Variants in THADA observed in about 807,000 individuals in gnomAD.
THADA encodes the protein tRNA (32-2'-O)-methyltransferase regulator THADA.
In THADA, 213 loss-of-function variants were observed where a neutral mutation model predicts 219.8. That is an observed-to-expected ratio of 0.97 (90% CI 0.87 to 1.09). THADA has a LOEUF of 1.09. Ranked by LOEUF, THADA falls within the 50% of genes least tolerant of loss-of-function variation. THADA has a pLI of 0.00. For synonymous variants in THADA, 1,018 were observed against 828.9 expected (o/e 1.23, Z -3.92); for missense variants, 2,956 against 2,311.3 (o/e 1.28, Z -5.72).
intron 28 of THADA, among the ~76,000 whole-genome samples, chr2:43,404,186 T>C (rs1434826863): frequency 6.6e-6 from 1 of 152,064 alleles, no homozygotes; most frequent in Non-Finnish European, 1.5e-5. Context: ...TTCTGAACTA[T>C]GCTAAGGTAT....
chr2:43,424,330 A>G (rs1678129701), intron 28 of THADA, among the ~76,000 whole-genome samples: 1 of 152,200 alleles, frequency 6.6e-6, no homozygotes, highest in African/African-American at 2.4e-5. Context: ...CAGTCAGAGC[A>G]ACCTTTGCAC....
intron 29 of THADA, among the ~76,000 whole-genome samples, chr2:43,379,301 C>T (rs1310111306): frequency 6.6e-6 from 1 of 150,650 alleles, no homozygotes; most frequent in African/African-American, 2.4e-5. Flanking sequence ...AAATGAAGAG[C>T]GAGTTAAAAA....
At chr2:43,323,489 T>C (rs1000282856) in intron 30 of THADA, among the ~76,000 whole-genome samples, 7 of 152,172 alleles carry the variant, frequency 4.6e-5, no homozygotes, top group African/African-American at 1.7e-4. Context: ...TTCATTGATA[T>C]CATTCCCAAT....
chr2:43,485,431 T>C (rs1181664648), intron 25 of THADA, 106 bp from the exon 26 acceptor site: 3 of 775,724 alleles, frequency 3.9e-6, no homozygotes, highest in Admixed American at 2.4e-5. Flanking sequence ...AACTGGCTAG[T>C]GTGAGGCTAA....
At chr2:43,399,527 G>A (rs1374763971) in intron 28 of THADA, among the ~76,000 whole-genome samples, 1 of 152,176 alleles carries the variant, frequency 6.6e-6, no homozygotes, top group Non-Finnish European at 1.5e-5. Flanking sequence ...CATGGTGTTG[G>A]GGGAGGCAGG....
intron 26 of THADA, among the ~76,000 whole-genome samples, chr2:43,433,147 T>A (rs563049270): frequency 2.0e-5 from 3 of 152,230 alleles, no homozygotes; most frequent in South Asian, 4.2e-4. Context: ...TAGTGTGAGA[T>A]AGAGGTCAAG....
intron 21 of THADA, among the ~76,000 whole-genome samples, 169 bp downstream of exon 21, chr2:43,540,990 G>T (rs1695224589): frequency 6.6e-6 from 1 of 152,088 alleles, no homozygotes; most frequent in South Asian, 2.1e-4. Flanking sequence ...GTTTTGAAAT[G>T]TATTATAAAG....
intron 31 of THADA, among the ~76,000 whole-genome samples, chr2:43,310,355 G>A (rs1290690773): frequency 6.6e-6 from 1 of 151,902 alleles, no homozygotes; most frequent in Admixed American, 6.6e-5. Flanking sequence ...ATGAAGTAAT[G>A]ATAATCAAGA....
At chr2:43,512,835 T>TA in intron 22 of THADA, among the ~76,000 whole-genome samples, 1 of 152,350 alleles carries the variant, frequency 6.6e-6, no homozygotes, top group South Asian at 2.1e-4. Context: ...ACTGGAAATA[T>TA]ATTTGCCTGC....
rs143768971 is a variant in THADA at position 43,460,236 on chromosome 2, A to C, written c.3836+24998T>G. On this transcript the variant is annotated intron_variant, in intron 26 of 37. Transcript: ENST00000405975. ...GGATCTTAGAAACAAGCTTTCTCTT[A>C]ATAAAAAAAAAAAAAAAAAAAAAAA... 5.2e-3 allele frequency among the ~76,000 whole-genome samples: 478 copies of C among 92,678 alleles called. 3 individuals are homozygous for C. The highest frequency in any genetic ancestry group is 0.022 in the African/African-American group (466 of 21,426). 60.8% of individuals were successfully genotyped at this position (92,678 alleles called of 152,430 possible).
At chr2:43,416,449 C>T (rs529895919) in intron 28 of THADA, among the ~76,000 whole-genome samples, 1 of 152,278 alleles carries the variant, frequency 6.6e-6, no homozygotes, top group South Asian at 2.1e-4. Context: ...TTTGTTAATG[C>T]TCCGGACACT....
rs550569346 is a variant in THADA, at chr2:43,489,679, G to T, written c.3745-4354C>A. On this transcript the variant is annotated intron_variant, in intron 25 of 37. Transcript: ENST00000405975. ...CTTGGCACCTTTATTAAATGTGGGG[G>T]TTTATTTCTGTACAATCAATCCTAA... is the stretch of plus-strand genomic sequence containing the variant. Among the ~76,000 whole-genome samples, 76 of 152,068 alleles carry T rather than the reference G, an allele frequency of 5.0e-4. 1 individual carries two copies. Among genetic ancestry groups the T allele is most frequent in the South Asian group, 3.7e-3 (18 of 4,810 alleles).
At chr2:43,373,841 C>T (rs1671074158) in intron 29 of THADA, among the ~76,000 whole-genome samples, 1 of 152,136 alleles carries the variant, frequency 6.6e-6, no homozygotes, top group African/African-American at 2.4e-5. Context: ...CTAATATTAC[C>T]AACAGATGTT....
chr2:43,355,874 G>A (rs1035282459), intron 29 of THADA, among the ~76,000 whole-genome samples: 1 of 152,118 alleles, frequency 6.6e-6, no homozygotes, highest in Non-Finnish European at 1.5e-5. Context: ...ATGGATACAT[G>A]GGGATTCATT....
At chr2:43,257,029 C>T (rs1670387197) in intron 36 of THADA, among the ~76,000 whole-genome samples, 1 of 152,166 alleles carries the variant, frequency 6.6e-6, no homozygotes, top group African/African-American at 2.4e-5. Flanking sequence ...GGCAACTGTC[C>T]TTCAAAGTTT....
chr2:43,441,211 C>G (rs140346765), intron 26 of THADA, among the ~76,000 whole-genome samples: 1 of 152,184 alleles, frequency 6.6e-6, no homozygotes, highest in Non-Finnish European at 1.5e-5. Context: ...TTCAAGCACT[C>G]TGAGCATACA....
At chr2:43,513,476 C>G (rs1690756619) in intron 22 of THADA, among the ~76,000 whole-genome samples, 1 of 152,148 alleles carries the variant, frequency 6.6e-6, no homozygotes, top group African/African-American at 2.4e-5. Flanking sequence ...TCAGCAGCCT[C>G]ATCTCTTTTG....
chr2:43,591,911 T>A, intron 3 of THADA, 41 bp downstream of exon 3: 1 of 1,337,064 alleles, frequency 7.5e-7, no homozygotes, highest in Non-Finnish European at 1.0e-6. Flanking sequence ...AATAGCATGA[T>A]ACTCTTAAAG....
intron 22 of THADA, among the ~76,000 whole-genome samples, chr2:43,526,517 C>T (rs1028582887): frequency 6.6e-6 from 1 of 152,172 alleles, no homozygotes; most frequent in Non-Finnish European, 1.5e-5. Context: ...TTCCATGAAG[C>T]CCTACCAGCC....
Sources: gnomAD v4.1 joint callset for allele counts (sites outside exome capture counted in the v4.1 genomes callset) on GRCh38, gnomAD v4.1.1 for gene constraint, MANE v1.5 for transcripts, NCBI Gene and HGNC (gene_info 2026-07-23, HGNC 2026-07-21) for gene names.